The following FERMT2 variants were observed in gnomAD, a reference collection of about 807,000 sequenced individuals.
FERMT2 encodes fermitin family homolog 2.
Under a neutral mutation model 82.7 loss-of-function variants are expected in FERMT2, and 15 were observed. The ratio of observed to expected loss-of-function variants is 0.18; its 90% confidence interval spans 0.12 to 0.28. FERMT2 has a LOEUF of 0.28. Among genes scored for constraint, FERMT2 ranks in the 10% least tolerant of loss-of-function variants. The probability of loss-of-function intolerance (pLI) is 1.00; values close to 1 mark genes in which losing one functional copy is unlikely to be tolerated. For missense variants in FERMT2, 645 were observed against 809.4 expected, an observed-to-expected ratio of 0.80 and a Z score of 2.46; for synonymous variants, 274 against 271.5, an observed-to-expected ratio of 1.01 and a Z score of -0.09.
chr14:52,907,832 AAGAAATGGGACAACAGAGTT>A (rs1258814029), intron 3 of FERMT2, among the ~76,000 whole-genome samples: 5 of 152,176 alleles, frequency 3.3e-5, no homozygotes, highest in African/African-American at 1.2e-4. Flanking sequence ...GGAAACAGAA[AAGAAATGGGACAACAGAGTT>A]CATAAATTGG....
chr14:52,857,665 CA>C lies in FERMT2; in HGVS notation c.*711del. 6.5e-6 allele frequency: 1 copy of C among 152,708 alleles called. No individual in the cohort carries two copies. The highest frequency in any genetic ancestry group is 2.1e-4 in the South Asian group (1 of 4,826). The allele number at this position is 152,708 out of a possible 1,614,324, so 9.5% of individuals were successfully genotyped here. The stretch of plus-strand genomic sequence containing the variant: ...AATTTGTGTTTTTACATTAGTTACA[CA>C]AAATGCATACTTCATAGAACTTTAC... On this transcript the variant is annotated 3_prime_UTR_variant, in exon 15 of 15. Transcript: ENST00000341590.
Position 52,899,789 on chromosome 14 carries a change from A to G in FERMT2, c.392-6362T>C, listed in dbSNP as rs138264523. Reference sequence around the variant, plus strand: ...TTAAGATACTGATCATTTCACTGACATGAGAATTTAGGACTTACTGATTTA... The same window carrying G: ...TTAAGATACTGATCATTTCACTGACGTGAGAATTTAGGACTTACTGATTTA... On this transcript the variant is annotated intron_variant, in intron 3 of 14. Transcript: ENST00000341590. Among the ~76,000 whole-genome samples, 315 of 152,370 alleles carry G rather than the reference A, an allele frequency of 2.1e-3. 2 individuals carry two copies. The highest frequency in any genetic ancestry group is 6.9e-3 in the African/African-American group (289 of 41,596).
intron 2 of FERMT2, among the ~76,000 whole-genome samples, chr14:52,921,111 ACT>A (rs1252640082): frequency 1.3e-5 from 2 of 152,130 alleles, no homozygotes; most frequent in African/African-American, 4.8e-5. Context: ...CACACACATA[ACT>A]AGTCTATCCC....
chr14:52,873,815 C>T (rs200136031), intron 9 of FERMT2: 101 of 171,742 alleles, frequency 5.9e-4, no homozygotes, highest in African/African-American at 2.1e-3. Context: ...TAGAATCTTG[C>T]GCTCTGAACG....
At chr14:52,895,279 C>G (rs1887193359) in intron 3 of FERMT2, among the ~76,000 whole-genome samples, 1 of 152,196 alleles carries the variant, frequency 6.6e-6, no homozygotes, top group Admixed American at 6.5e-5. Context: ...TTAAATGAGA[C>G]AATTTTTTGA....
chr14:52,860,694 TAGG>T (rs1884875259), intron 12 of FERMT2: 2 of 565,960 alleles, frequency 3.5e-6, no homozygotes, highest in African/African-American at 3.8e-5. Flanking sequence ...AAAGTACTAT[TAGG>T]AGTACATAGT....
chr14:52,899,715 T>C (rs1887511318), intron 3 of FERMT2, among the ~76,000 whole-genome samples: 1 of 152,208 alleles, frequency 6.6e-6, no homozygotes, highest in South Asian at 2.1e-4. Flanking sequence ...TGTGAAAAAG[T>C]GGTTTGCATT....
At chr14:52,913,680 C>CAGTAGTAGTAGTAGTAGTAGTAGTAGT (rs60319673) in intron 3 of FERMT2, among the ~76,000 whole-genome samples, 2,652 of 147,818 alleles carry the variant, frequency 0.018, 29 homozygotes, top group Middle Eastern at 0.042. Context: ...CAGCCAAAAA[C>CAGTAGTAGTAGTAGTAGTAGTAGTAGT]AGTAGTAGTA....
At chr14:52,946,826 C>A (rs376760423) in intron 2 of FERMT2, among the ~76,000 whole-genome samples, 171 of 152,216 alleles carry the variant, frequency 1.1e-3, no homozygotes, top group African/African-American at 4.0e-3. Flanking sequence ...GCACATGCCA[C>A]CACATCCAGC....
At chr14:52,942,997 A>G (rs145378576) in intron 2 of FERMT2, among the ~76,000 whole-genome samples, 3,208 of 151,994 alleles carry the variant, frequency 0.021, 77 homozygotes, top group East Asian at 0.074. Context: ...CGGATCGCCT[A>G]AGGTCAGGAG....
In FERMT2 at chr14:52,938,707, T is replaced by C. The variant is rs539524334; in HGVS notation, c.157+11705A>G. On this transcript the variant is annotated intron_variant, in intron 2 of 14. Coordinates refer to ENST00000341590, the MANE Select transcript of FERMT2 (RefSeq NM_006832.3). The stretch of plus-strand genomic sequence containing the variant: ...TCAGCCTCCCAAGTAACTGAGACCA[T>C]AGGCATGAACCACCACACCCAGCTA... Among the ~76,000 whole-genome samples, 5 of 152,106 alleles carry C rather than the reference T, an allele frequency of 3.3e-5. No individual in the cohort carries two copies. The East Asian group carries it at 5.8e-4, about 18-fold the overall frequency.
At chr14:52,914,631 A>G (rs573282414) in intron 3 of FERMT2, among the ~76,000 whole-genome samples, 50 of 152,278 alleles carry the variant, frequency 3.3e-4, no homozygotes, top group African/African-American at 1.2e-3. Context: ...TAGAAAATCC[A>G]AGAGAAGGCC....
chr14:52,919,007 T>C, intron 3 of FERMT2, 116 bp downstream of exon 3: 1 of 601,774 alleles, frequency 1.7e-6, no homozygotes, highest in Admixed American at 3.0e-5. Flanking sequence ...TTCACACACA[T>C]ACATATATAC....
At chr14:52,950,747 C>T in intron 1 of FERMT2, 170 bp from the exon 2 acceptor site, 3 of 577,958 alleles carry the variant, frequency 5.2e-6, no homozygotes, top group South Asian at 2.2e-5. Flanking sequence ...ACCCTACGCC[C>T]CGCTCGCCCC....
intron 10 of FERMT2, among the ~76,000 whole-genome samples, chr14:52,869,044 A>G (rs1004702752): frequency 1.3e-5 from 2 of 152,170 alleles, no homozygotes; most frequent in Admixed American, 6.5e-5. Context: ...AGGTTAAGAT[A>G]TAACAGGGAC....
intron 3 of FERMT2, among the ~76,000 whole-genome samples, chr14:52,905,751 G>A (rs960513421): frequency 1.3e-5 from 2 of 152,220 alleles, no homozygotes; most frequent in African/African-American, 4.8e-5. Context: ...GCAGAAAGGA[G>A]GGAAGAGGGA....
At chr14:52,946,685 CT>C (rs201455190) in intron 2 of FERMT2, among the ~76,000 whole-genome samples, 26 of 147,176 alleles carry the variant, frequency 1.8e-4, no homozygotes, top group South Asian at 6.5e-4. Context: ...TTTCACAATT[CT>C]TTTTTTTTTT....
chr14:52,889,750 C>A (rs1460892840), intron 4 of FERMT2, among the ~76,000 whole-genome samples: 1 of 152,168 alleles, frequency 6.6e-6, no homozygotes, highest in Non-Finnish European at 1.5e-5. Flanking sequence ...CAGCATGTTA[C>A]TGTACTGAAT....
intron 10 of FERMT2, among the ~76,000 whole-genome samples, chr14:52,872,448 C>T (rs925008210): frequency 1.6e-4 from 24 of 152,084 alleles, no homozygotes; most frequent in African/African-American, 4.8e-4. Flanking sequence ...GCAAGAAAAT[C>T]GCTTGAACCC....
Sources: allele counts gnomAD v4.1 joint callset (sites outside exome capture counted in the v4.1 genomes callset), GRCh38; gene constraint gnomAD v4.1.1; transcripts MANE v1.5; gene names NCBI Gene and HGNC (gene_info 2026-07-23, HGNC 2026-07-21).